Variants in SYNPR observed in about 807,000 individuals in gnomAD.
The protein encoded by SYNPR is synaptoporin.
In SYNPR, 23 loss-of-function variants were observed where a neutral mutation model predicts 32.9. The observed-to-expected ratio is 0.70, with a 90% CI of 0.50 to 0.99. The LOEUF (loss-of-function observed/expected upper bound fraction) is 0.99, where lower values mean the gene tolerates loss of function less well. SYNPR is among the 50% of genes least tolerant of loss of function. The pLI is 0.00. For missense variants in SYNPR, 318 were observed against 349.3 expected (o/e 0.91, Z 0.71); for synonymous variants, 146 against 135.9 (o/e 1.07, Z -0.52).
At chr3:63,204,162 A>T in the SYNPR span, among the ~76,000 whole-genome samples, 1 of 152,142 alleles carries the variant, frequency 6.6e-6, no homozygotes, top group Non-Finnish European at 1.5e-5. Context: ...GGGCTACTAT[A>T]ACAAATTGCC....
chr3:63,257,314 G>A (rs955278174), intron 2 of SYNPR, among the ~76,000 whole-genome samples: 12 of 152,210 alleles, frequency 7.9e-5, no homozygotes, highest in African/African-American at 2.9e-4. Flanking sequence ...AGGGCAGCCA[G>A]AGAGAAAGGT....
intron 2 of SYNPR, among the ~76,000 whole-genome samples, chr3:63,381,968 CAAGTA>C (rs762447024): frequency 3.3e-5 from 5 of 152,178 alleles, no homozygotes; most frequent in Admixed American, 6.5e-5. Flanking sequence ...TTTACCATTT[CAAGTA>C]AAGTACAGAA....
intron 2 of SYNPR, among the ~76,000 whole-genome samples, chr3:63,340,751 T>C (rs1006206352): frequency 1.3e-5 from 2 of 152,180 alleles, no homozygotes; most frequent in Non-Finnish European, 2.9e-5. Flanking sequence ...AATTTTAGGT[T>C]TACAGAAAAG....
chr3:63,380,156 A>G (rs894356293), intron 2 of SYNPR, among the ~76,000 whole-genome samples: 3 of 152,126 alleles, frequency 2.0e-5, no homozygotes, highest in African/African-American at 7.2e-5. Flanking sequence ...ATACATCCGC[A>G]TGTGTCTTTA....
chr3:63,253,114 T>C (rs962477907), intron 2 of SYNPR, among the ~76,000 whole-genome samples: 1 of 151,986 alleles, frequency 6.6e-6, no homozygotes, highest in African/African-American at 2.4e-5. Flanking sequence ...ATTTGGCAAG[T>C]CCATTTATAG....
At chr3:63,418,974 A>T (rs1226287267) in intron 2 of SYNPR, among the ~76,000 whole-genome samples, 2 of 152,194 alleles carry the variant, frequency 1.3e-5, no homozygotes, top group Non-Finnish European at 2.9e-5. Flanking sequence ...AATTTTCATG[A>T]ATTTTTAACT....
chr3:63,464,381 T>A (rs1700640940), intron 2 of SYNPR, among the ~76,000 whole-genome samples: 1 of 152,202 alleles, frequency 6.6e-6, no homozygotes, highest in African/African-American at 2.4e-5. Context: ...AGGAAAATTA[T>A]GTAATTGCAT....
chr3:63,608,618 G>A (rs1202170883), intron 4 of SYNPR, among the ~76,000 whole-genome samples: 2 of 150,086 alleles, frequency 1.3e-5, no homozygotes, highest in Non-Finnish European at 1.5e-5. Flanking sequence ...GAATGAATGA[G>A]TGAACATTGC....
At chr3:63,292,307 C>T (rs1037782583) in intron 2 of SYNPR, among the ~76,000 whole-genome samples, 7 of 152,144 alleles carry the variant, frequency 4.6e-5, no homozygotes, top group Non-Finnish European at 8.8e-5. Flanking sequence ...ATGCTCAGAT[C>T]ATGGTAATTA....
chr3:63,258,385 T>A (rs1480144948), intron 2 of SYNPR, among the ~76,000 whole-genome samples: 1 of 152,208 alleles, frequency 6.6e-6, no homozygotes, highest in East Asian at 1.9e-4. Context: ...CAGACCACAG[T>A]GCGATCAAAC....
At chr3:63,554,245 G>A (rs1232167864) in intron 3 of SYNPR, among the ~76,000 whole-genome samples, 6 of 152,090 alleles carry the variant, frequency 3.9e-5, no homozygotes, top group Admixed American at 2.0e-4. Flanking sequence ...ACCAATTTTT[G>A]TTTTTGTTGC....
Position 63,234,837 on chromosome 3 carries a change from C to T in SYNPR, n.66+6457C>T, listed in dbSNP as rs148298095. On this transcript the variant is annotated intron_variant and non_coding_transcript_variant, in intron 1 of 4. Transcript: ENST00000478456. ...GTTAACAGGATATGACATAGTTTAACGCAGTGGGGAAAATGTATTAAGGAA... is the reference window on the plus strand; with the variant it reads ...GTTAACAGGATATGACATAGTTTAATGCAGTGGGGAAAATGTATTAAGGAA... 3.7e-3 allele frequency among the ~76,000 whole-genome samples: 566 copies of T among 152,168 alleles called. 6 individuals are homozygous for T. The highest frequency in any genetic ancestry group is 0.013 in the African/African-American group (542 of 41,522).
At chr3:63,497,572 A>G (rs1242122656) in intron 3 of SYNPR, among the ~76,000 whole-genome samples, 2 of 149,422 alleles carry the variant, frequency 1.3e-5, no homozygotes, top group South Asian at 2.1e-4. Flanking sequence ...TTTTCTTGTC[A>G]GTGTGAACCA....
At chr3:63,398,295 T>A (rs1212252415) in intron 2 of SYNPR, among the ~76,000 whole-genome samples, 3 of 152,098 alleles carry the variant, frequency 2.0e-5, no homozygotes, top group Non-Finnish European at 4.4e-5. Context: ...TGATTTTGGG[T>A]TGGAAGTAAA....
the SYNPR span, among the ~76,000 whole-genome samples, chr3:63,205,853 T>C: frequency 6.6e-6 from 1 of 152,248 alleles, no homozygotes; most frequent in Non-Finnish European, 1.5e-5. Context: ...GCACATCTTT[T>C]TATGGAAATA....
chr3:63,483,262 A>G lies in SYNPR; in HGVS notation c.209+2306A>G, dbSNP rs114733669. Among the ~76,000 whole-genome samples the G allele has an allele frequency of 1.8e-3, 281 of 152,348 alleles. 1 individual carries two copies. Among genetic ancestry groups the G allele is most frequent in the Middle Eastern group, 0.01 (3 of 294 alleles). ...CATCAGCAGGAAGCAGGCTCAGTGA[A>G]TGATTTACATATGTCCTAGGCAGAA... is the stretch of plus-strand genomic sequence containing the variant. On this transcript the variant is annotated intron_variant, in intron 3 of 5. Coordinates refer to ENST00000478300, the MANE Select transcript of SYNPR (RefSeq NM_001130003.2).
upstream of SYNPR, among the ~76,000 whole-genome samples, chr3:63,223,902 T>C (rs150119580): frequency 6.6e-6 from 1 of 152,344 alleles, no homozygotes; most frequent in African/African-American, 2.4e-5. Context: ...CCCCACTTCA[T>C]GATGCATGTA....
chr3:63,486,230 A>G (rs1701147205), intron 3 of SYNPR, among the ~76,000 whole-genome samples: 2 of 152,296 alleles, frequency 1.3e-5, no homozygotes, highest in East Asian at 3.9e-4. Flanking sequence ...TGACTGTTAA[A>G]GGGCTTTCTC....
intron 2 of SYNPR, among the ~76,000 whole-genome samples, chr3:63,262,338 G>T (rs1208488308): frequency 6.6e-6 from 1 of 152,188 alleles, no homozygotes; most frequent in Non-Finnish European, 1.5e-5. Flanking sequence ...GTCATGCAAG[G>T]CTTTTCTTGA....
Sources: allele counts gnomAD v4.1 joint callset (sites outside exome capture counted in the v4.1 genomes callset), GRCh38; gene constraint gnomAD v4.1.1; transcripts MANE v1.5; gene names NCBI Gene and HGNC (gene_info 2026-07-23, HGNC 2026-07-21).